NCOR2: variants seen among roughly 807,000 people sequenced by gnomAD.
The protein encoded by NCOR2 is CTG repeat protein 26.
Under a neutral mutation model 262.9 loss-of-function variants are expected in NCOR2, and 81 were observed. The observed-to-expected ratio is 0.31, with a 90% CI of 0.26 to 0.37. NCOR2 has a LOEUF of 0.37. NCOR2 is among the 10% of genes least tolerant of loss of function. The pLI is 1.00. For missense variants in NCOR2, 3,385 were observed against 3,621.4 expected (o/e 0.93, Z 1.68); for synonymous variants, 1,659 against 1,559.3 (o/e 1.06, Z -1.51).
chr12:124,558,045 C>T (rs2051940078), intron 1 of NCOR2, among the ~76,000 whole-genome samples: 2 of 152,178 alleles, frequency 1.3e-5, no homozygotes, highest in African/African-American at 2.4e-5. Context: ...GCTTCAGGAG[C>T]AGGGCTGGCA....
At chr12:124,408,275 A>T (rs2042382378) in intron 13 of NCOR2, among the ~76,000 whole-genome samples, 1 of 150,994 alleles carries the variant, frequency 6.6e-6, no homozygotes, top group Non-Finnish European at 1.5e-5. Context: ...AATGGTGTGA[A>T]CCCGGGAGGC....
Position 124,333,883 on chromosome 12 carries a change from T to TGCGC in NCOR2, c.6605+540_6605+541insGCGC, listed in dbSNP as rs1465522610. Among the ~76,000 whole-genome samples the TGCGC allele has an allele frequency of 2.7e-4, 25 of 93,402 alleles. 1 individual carries two copies. Among genetic ancestry groups the TGCGC allele is most frequent in the South Asian group, 8.5e-4 (2 of 2,344 alleles). 61.3% of individuals were successfully genotyped at this position (93,402 alleles called of 152,430 possible). On this transcript the variant is annotated intron_variant, in intron 41 of 46. Coordinates refer to ENST00000405201, the Ensembl canonical transcript of NCOR2. The stretch of plus-strand genomic sequence containing the variant: ...GTGTGTGTGCGCATGTGTGCGGGTG[T>TGCGC]GCATGTGTGTGTGCGCGCGCATGTG...
chr12:124,390,719 A>C (rs2041244809), intron 16 of NCOR2, among the ~76,000 whole-genome samples: 1 of 152,198 alleles, frequency 6.6e-6, no homozygotes. Context: ...ATCCCCCTTG[A>C]CATCCAGGCA....
chr12:124,424,694 C>G (rs866034213), intron 11 of NCOR2, among the ~76,000 whole-genome samples: 6 of 152,348 alleles, frequency 3.9e-5, no homozygotes, highest in Middle Eastern at 6.8e-3. Context: ...TAGGTCCTGC[C>G]TGGCACCTCT....
At chr12:124,546,931 CA>C (rs1813992472) in intron 1 of NCOR2, among the ~76,000 whole-genome samples, 1 of 152,110 alleles carries the variant, frequency 6.6e-6, no homozygotes, top group African/African-American at 2.4e-5. Context: ...ACAATGGCCC[CA>C]AAGCACAAGA....
intron 3 of NCOR2, among the ~76,000 whole-genome samples, chr12:124,475,792 T>C (rs1197509061): frequency 6.6e-6 from 1 of 152,172 alleles, no homozygotes; most frequent in Non-Finnish European, 1.5e-5. Flanking sequence ...GGAAGGTGCT[T>C]GAAGGGGGAG....
At chr12:124,361,151 G>A (rs1384114524) in intron 22 of NCOR2, among the ~76,000 whole-genome samples, 1 of 150,218 alleles carries the variant, frequency 6.7e-6, no homozygotes, top group East Asian at 1.9e-4. Flanking sequence ...AAGAGAAGGG[G>A]GATGTCACAC....
chr12:124,383,103 A>G (rs780038071), intron 17 of NCOR2, among the ~76,000 whole-genome samples: 17 of 152,182 alleles, frequency 1.1e-4, no homozygotes, highest in Non-Finnish European at 2.4e-4. Flanking sequence ...AGCTCTCACT[A>G]GCAGAGTGTC....
chr12:124,553,928 G>A (rs1399114334), intron 1 of NCOR2, among the ~76,000 whole-genome samples: 1 of 152,130 alleles, frequency 6.6e-6, no homozygotes, highest in Non-Finnish European at 1.5e-5. Flanking sequence ...CCCTCAAAAT[G>A]GGGAGTGGGG....
chr12:124,380,724 G>C (rs1394047703), intron 17 of NCOR2, among the ~76,000 whole-genome samples: 1 of 152,154 alleles, frequency 6.6e-6, no homozygotes. Flanking sequence ...GCAGGGAACA[G>C]GGGTCTCCTG....
chr12:124,340,237 G>C (rs374752632), intron 36 of NCOR2, 33 bp from the exon 39 acceptor site: 3 of 1,605,562 alleles, frequency 1.9e-6, no homozygotes, highest in Non-Finnish European at 2.5e-6. Flanking sequence ...GCAGGGGGAG[G>C]CCTCTTGCGG....
At position 124,453,500 on chromosome 12, in the gene NCOR2, C is replaced by G. The variant is rs547562655; in HGVS notation, c.762+3606G>C. 1.3e-4 allele frequency among the ~76,000 whole-genome samples: 20 copies of G among 152,194 alleles called. No individual in the cohort carries two copies. In the East Asian group the frequency reaches 3.1e-3, roughly 24 times the overall value. On this transcript the variant is annotated intron_variant, in intron 6 of 46. Coordinates refer to ENST00000405201, the Ensembl canonical transcript of NCOR2. ...AAAGAGGGCAAAGGGGAGCAGGTGC[C>G]AGACGCAGGGCGCAGGCAGAGATGA...
chr12:124,529,179 C>CAAAAAAAAA (rs148397454), intron 1 of NCOR2, among the ~76,000 whole-genome samples: 4 of 52,172 alleles, frequency 7.7e-5, no homozygotes, highest in African/African-American at 2.4e-4. Flanking sequence ...AACTCCGACT[C>CAAAAAAAAA]AAAAAAAAAA....
At position 124,481,920 on chromosome 12, in the gene NCOR2, A is replaced by G. The variant is rs1222833255; in HGVS notation, c.411+1676T>C. ...GGCTACTGCAAAGTTACTGGAGAGCAATGACGAGCTCAGGCCGGGGGTTGC... is the reference window on the plus strand; with the variant it reads ...GGCTACTGCAAAGTTACTGGAGAGCGATGACGAGCTCAGGCCGGGGGTTGC... On this transcript the variant is annotated intron_variant, in intron 3 of 46. Coordinates refer to ENST00000405201, the Ensembl canonical transcript of NCOR2. The surrounding 1 kb of genome is among the most constrained non-coding windows in gnomAD (Gnocchi z 4.6). 1.3e-5 allele frequency among the ~76,000 whole-genome samples: 2 copies of G among 152,102 alleles called. No individual in the cohort carries two copies. Among genetic ancestry groups the G allele is most frequent in the African/African-American group, 4.8e-5 (2 of 41,416 alleles).
At chr12:124,452,234 G>A (rs1437363269) in intron 6 of NCOR2, among the ~76,000 whole-genome samples, 1 of 152,200 alleles carries the variant, frequency 6.6e-6, no homozygotes, top group Admixed American at 6.5e-5. Flanking sequence ...CCTGCAGAGG[G>A]TGCGAATCCT....
At chr12:124,391,792 CAG>C (rs2041324821) in intron 16 of NCOR2, among the ~76,000 whole-genome samples, 1 of 152,230 alleles carries the variant, frequency 6.6e-6, no homozygotes, top group African/African-American at 2.4e-5. Context: ...CAAAAAAACC[CAG>C]ACTCATTAAG....
intron 10 of NCOR2, among the ~76,000 whole-genome samples, chr12:124,427,477 A>T (rs2043619322): frequency 6.6e-6 from 1 of 152,178 alleles, no homozygotes; most frequent in South Asian, 2.1e-4. Flanking sequence ...ATTACTGGCG[A>T]TTAATTACCC....
In NCOR2 at chr12:124,528,054, C is replaced by T. The variant is rs373521912; in HGVS notation, c.-118+7511G>A. ...GATGGCCCGAGGCCTCCTGAGGTTT[C>T]ACTGCGGAACAGACGTCATCCCTTC... On this transcript the variant is annotated intron_variant, in intron 1 of 46. Coordinates refer to the NCOR2 transcript ENST00000404621. Among the ~76,000 whole-genome samples the T allele has an allele frequency of 2.2e-4, 34 of 152,300 alleles. No individual in the cohort carries two copies. In the Middle Eastern group the frequency reaches 0.02, roughly 91 times the overall value.
intron 10 of NCOR2, among the ~76,000 whole-genome samples, chr12:124,428,088 T>TGTGTGTGTGC (rs1555221785): frequency 6.1e-5 from 9 of 147,534 alleles, no homozygotes; most frequent in African/African-American, 1.5e-4. Flanking sequence ...TGTGTGTGTG[T>TGTGTGTGTGC]ACATGCAACA....
Sources: allele counts gnomAD v4.1 joint callset (sites outside exome capture counted in the v4.1 genomes callset), GRCh38; gene constraint gnomAD v4.1.1; non-coding constraint Gnocchi (gnomAD v3.1); transcripts MANE v1.5; gene names NCBI Gene and HGNC (gene_info 2026-07-23, HGNC 2026-07-21).